GLIS3: variants seen among roughly 807,000 people sequenced by gnomAD.
The protein encoded by GLIS3 is zinc finger protein GLIS3.
Under a neutral mutation model 78.6 loss-of-function variants are expected in GLIS3, and 53 were observed. The ratio of observed to expected loss-of-function variants is 0.67; its 90% CI spans 0.54 to 0.85. GLIS3 has a LOEUF of 0.85. GLIS3 is among the 40% of genes least tolerant of loss of function. The probability of loss-of-function intolerance (pLI) is 0.00; values close to 1 mark genes in which losing one functional copy is unlikely to be tolerated. For synonymous variants in GLIS3, 684 were observed against 509.9 expected (o/e 1.34, Z -4.60); for missense variants, 1,703 against 1,231.1 (o/e 1.38, Z -5.74).
intron 2 of GLIS3, among the ~76,000 whole-genome samples, chr9:4,155,679 C>T (rs759317164): frequency 5.3e-5 from 8 of 152,126 alleles, no homozygotes; most frequent in Non-Finnish European, 7.4e-5. Flanking sequence ...ATGGAGAACC[C>T]ATAAGTCGAG....
intron 2 of GLIS3, among the ~76,000 whole-genome samples, chr9:4,138,229 A>C (rs545199014): frequency 6.6e-6 from 1 of 152,328 alleles, no homozygotes; most frequent in African/African-American, 2.4e-5. Context: ...AGAAAGAATG[A>C]ATGGAAGGGA....
intron 2 of GLIS3, among the ~76,000 whole-genome samples, chr9:4,169,249 T>G (rs1005672353): frequency 2.0e-5 from 3 of 152,210 alleles, no homozygotes; most frequent in African/African-American, 7.2e-5. Context: ...AGATTTCTAC[T>G]TTGTATTCAC....
At chr9:4,386,992 G>C in the GLIS3 span, among the ~76,000 whole-genome samples, 1 of 152,172 alleles carries the variant, frequency 6.6e-6, no homozygotes, top group Non-Finnish European at 1.5e-5. Context: ...TGGCAGGGTA[G>C]CTCCTTAAAT....
At chr9:3,953,361 T>C (rs1816826497) in intron 4 of GLIS3, among the ~76,000 whole-genome samples, 2 of 152,258 alleles carry the variant, frequency 1.3e-5, no homozygotes, top group African/African-American at 4.8e-5. Flanking sequence ...TTAGGATTTC[T>C]TTCCATTTAT....
intron 2 of GLIS3, among the ~76,000 whole-genome samples, chr9:4,210,027 G>T (rs757876042): frequency 2.0e-5 from 3 of 152,300 alleles, no homozygotes; most frequent in Non-Finnish European, 2.9e-5. Context: ...GAAATGTAAG[G>T]ATGATATTTT....
intron 4 of GLIS3, among the ~76,000 whole-genome samples, chr9:4,056,973 AG>A (rs1826205616): frequency 6.6e-6 from 1 of 150,562 alleles, no homozygotes; most frequent in East Asian, 2.0e-4. Context: ...ATGATGACTA[AG>A]AATGTGAATC....
intron 2 of GLIS3, among the ~76,000 whole-genome samples, chr9:4,238,555 G>A (rs1822996099): frequency 6.6e-6 from 1 of 152,154 alleles, no homozygotes; most frequent in Non-Finnish European, 1.5e-5. Context: ...AACTCAGAAG[G>A]CCCGTGTGAA....
At chr9:4,474,919 A>G in the GLIS3 span, among the ~76,000 whole-genome samples, 2 of 151,490 alleles carry the variant, frequency 1.3e-5, no homozygotes, top group Non-Finnish European at 2.9e-5. Context: ...CCAGGCTTGC[A>G]AATATTTCTT....
In GLIS3 at chr9:4,030,380, T is replaced by A. The variant is rs1444861043; in HGVS notation, c.1710+87388A>T. 2.6e-5 allele frequency among the ~76,000 whole-genome samples: 4 copies of A among 152,214 alleles called. No individual in the cohort carries two copies. The East Asian group carries it at 5.8e-4, about 22-fold the overall frequency. ...TCAAATGGGTAGTTTGAAAATATTT[T>A]CTCCCATTCTGTGAGTTGTCTCTTC... is the stretch of plus-strand genomic sequence containing the variant. On this transcript the variant is annotated intron_variant, in intron 4 of 10. Coordinates refer to ENST00000381971, the MANE Select transcript of GLIS3 (RefSeq NM_001042413.2).
chr9:3,830,970 T>G (rs1346645998), intron 9 of GLIS3, among the ~76,000 whole-genome samples: 2 of 152,160 alleles, frequency 1.3e-5, no homozygotes, highest in Admixed American at 6.5e-5. Flanking sequence ...ATTCTATGGT[T>G]GTTATGAATA....
intron 2 of GLIS3, among the ~76,000 whole-genome samples, chr9:4,214,175 AAGT>A (rs772429033): frequency 6.6e-6 from 1 of 152,182 alleles, no homozygotes. Flanking sequence ...CTTTAACAAA[AAGT>A]AGGATAATTG....
the GLIS3 span, among the ~76,000 whole-genome samples, chr9:4,454,892 G>C: frequency 6.6e-6 from 1 of 152,138 alleles, no homozygotes; most frequent in Non-Finnish European, 1.5e-5. Flanking sequence ...ATCTAGAATT[G>C]TACACACACT....
At chr9:3,891,425 G>A (rs931143075) in intron 7 of GLIS3, among the ~76,000 whole-genome samples, 14 of 152,284 alleles carry the variant, frequency 9.2e-5, no homozygotes, top group Middle Eastern at 3.4e-3. Flanking sequence ...AAAAAGAGCC[G>A]CTGCCATGGT....
chr9:4,403,554 T>C, the GLIS3 span, among the ~76,000 whole-genome samples: 1 of 152,026 alleles, frequency 6.6e-6, no homozygotes, highest in Non-Finnish European at 1.5e-5. Context: ...CTACAAAAAG[T>C]CAAAAAGCAG....
At chr9:4,387,850 G>A in the GLIS3 span, among the ~76,000 whole-genome samples, 12 of 152,320 alleles carry the variant, frequency 7.9e-5, no homozygotes, top group African/African-American at 2.6e-4. Context: ...AGTCTGTTGT[G>A]TAACTGTAGC....
intron 4 of GLIS3, among the ~76,000 whole-genome samples, chr9:4,055,729 T>C (rs781075051): frequency 6.6e-6 from 1 of 152,226 alleles, no homozygotes; most frequent in Non-Finnish European, 1.5e-5. Context: ...CAAAGGCTTC[T>C]GTTTTCCGTG....
rs1399126984 is a variant in GLIS3, at chr9:3,826,404, A to G, written c.*1868T>C. The G allele has an allele frequency of 1.3e-5, 2 of 152,222 alleles. No homozygotes were observed. Among genetic ancestry groups the G allele is most frequent in the African/African-American group, 2.4e-5 (1 of 41,452 alleles). 9.4% of individuals were successfully genotyped at this position (152,222 alleles called of 1,614,324 possible). A position where few individuals can be genotyped will look rare whatever the true frequency, so the allele number is the denominator to read the frequency against. ...GTCTGCAGGAAGGGTGGTACTTTAC[A>G]AGCAGCCTTGGAGTTCACTTGTAAA... On this transcript the variant is annotated 3_prime_UTR_variant, in exon 11 of 11. Transcript: ENST00000381971.
chr9:3,975,292 G>C lies in GLIS3; in HGVS notation c.1711-38103C>G, dbSNP rs531750131. ...ATGTACAAAACAAGTACACTCCCAGGGGGGCACAGGAATAGGGAAAGGACT... is the reference window on the plus strand; with the variant it reads ...ATGTACAAAACAAGTACACTCCCAGCGGGGCACAGGAATAGGGAAAGGACT... On this transcript the variant is annotated intron_variant, in intron 4 of 10. Transcript: ENST00000381971. 9.2e-5 allele frequency: 14 copies of C among 152,248 alleles called. 1 individual carries two copies. The South Asian group carries it at 1.0e-3, about 11-fold the overall frequency. The allele number at this position is 152,248 out of a possible 1,614,324, so 9.4% of individuals were successfully genotyped here.
chr9:4,426,935 T>C, the GLIS3 span, among the ~76,000 whole-genome samples: 1 of 152,238 alleles, frequency 6.6e-6, no homozygotes, highest in Non-Finnish European at 1.5e-5. Flanking sequence ...TATACACTTT[T>C]GCCCACACCC....
Sources: gnomAD v4.1 joint callset for allele counts (sites outside exome capture counted in the v4.1 genomes callset) on GRCh38, gnomAD v4.1.1 for gene constraint, MANE v1.5 for transcripts, NCBI Gene and HGNC (gene_info 2026-07-23, HGNC 2026-07-21) for gene names.